The following CAPN14 variants were observed in gnomAD, a reference collection of about 807,000 sequenced individuals.
The protein encoded by CAPN14 is calpain 14.
A neutral mutation model predicts 101.3 loss-of-function variants in CAPN14; 94 were observed. The ratio of observed to expected loss-of-function variants is 0.93; its 90% CI spans 0.79 to 1.10. The LOEUF is 1.10. Among genes scored for constraint, CAPN14 ranks in the 50% least tolerant of loss-of-function variants. The pLI, the probability that CAPN14 is intolerant of heterozygous loss-of-function variation, is 0.00. For synonymous variants in CAPN14, 338 were observed against 317.9 expected (o/e 1.06, Z -0.67); for missense variants, 837 against 828.4 (o/e 1.01, Z -0.13).
chr2:31,205,311 T>A lies in CAPN14; in HGVS notation c.137A>T (p.Asp46Val). 6.4e-7 allele frequency: 1 copy of A among 1,550,720 alleles called. No individual in the cohort carries two copies. The highest frequency in any genetic ancestry group is 2.4e-5 in the East Asian group (1 of 40,886). The change falls in exon 2 of 22, where the codon GAC (aspartate) becomes GTC (valine). Residue 46 changes from aspartate (D) to valine (V), a missense_variant. Coordinates refer to ENST00000403897, the MANE Select transcript of CAPN14 (RefSeq NM_001145122.2). ...GCTCAGGGTGGCCGGGAAGCTGGTG[T>A]CTTCAAAGAGGCAGCCATTCCTCAG... ...ECLRNGCLFE[D>V]TSFPATLSSI...
intron 8 of CAPN14, among the ~76,000 whole-genome samples, chr2:31,196,796 C>A (rs1336385876): frequency 6.6e-6 from 1 of 152,198 alleles, no homozygotes; most frequent in Non-Finnish European, 1.5e-5. Context: ...CAATCCAAAT[C>A]TGTCTACCTT....
intron 1 of CAPN14, among the ~76,000 whole-genome samples, chr2:31,206,866 A>G (rs1682125001): frequency 6.6e-6 from 1 of 152,116 alleles, no homozygotes; most frequent in Non-Finnish European, 1.5e-5. Flanking sequence ...TTCACCAAAA[A>G]TTTTACTGGG....
upstream of CAPN14, among the ~76,000 whole-genome samples, chr2:31,219,029 A>G (rs946920620): frequency 1.3e-5 from 2 of 151,796 alleles, no homozygotes; most frequent in African/African-American, 4.8e-5. Flanking sequence ...GCCCTTAGTT[A>G]TCTTCCCCCT....
At chr2:31,198,907 T>A (rs1681606502) in intron 7 of CAPN14, among the ~76,000 whole-genome samples, 1 of 152,196 alleles carries the variant, frequency 6.6e-6, no homozygotes, top group South Asian at 2.1e-4. Context: ...CCAGCCCAAC[T>A]CGATGGAGGT....
At position 31,174,371 on chromosome 2, in the gene CAPN14, A is replaced by T. The variant is rs971255344; in HGVS notation, c.*310T>A. On this transcript the variant is annotated 3_prime_UTR_variant, in exon 22 of 22. Transcript: ENST00000403897. ...GCAGTGTTGTATGGAGGCTAACCAC[A>T]CCAGCTCTGGAGTCAGAATGCTTAG... 14 of 514,588 alleles carry T rather than the reference A, an allele frequency of 2.7e-5. No homozygotes were observed. The highest frequency in any genetic ancestry group is 2.7e-4 in the African/African-American group (14 of 51,984). The allele number at this position is 514,588 out of a possible 1,614,324, so 31.9% of individuals were successfully genotyped here. A position where few individuals can be genotyped will look rare whatever the true frequency, so the allele number is the denominator to read the frequency against.
intron 1 of CAPN14, among the ~76,000 whole-genome samples, chr2:31,233,149 C>G (rs183163066): frequency 6.6e-6 from 1 of 152,258 alleles, no homozygotes; most frequent in Admixed American, 6.5e-5. Context: ...TTAGCCCAGG[C>G]CCCTGCACAT....
chr2:31,182,758 G>C lies in CAPN14; in HGVS notation c.1646-1758C>G, dbSNP rs555344096. Among the ~76,000 whole-genome samples, 15 of 151,422 alleles carry C rather than the reference G, an allele frequency of 9.9e-5. No individual in the cohort carries two copies. In the East Asian group the frequency reaches 2.9e-3, roughly 29 times the overall value. ...TCAATATCGTGAAAATGGCCATACT[G>C]CCTAAGGCAATTTATAGATTCAATG... On this transcript the variant is annotated intron_variant, in intron 16 of 21. Coordinates refer to ENST00000403897, the MANE Select transcript of CAPN14 (RefSeq NM_001145122.2).
chr2:31,216,787 A>G (rs1682665515), intron 1 of CAPN14, among the ~76,000 whole-genome samples: 2 of 152,136 alleles, frequency 1.3e-5, no homozygotes, highest in African/African-American at 4.8e-5. Flanking sequence ...TCCAGTGCCC[A>G]TAGGCCAGCA....
chr2:31,217,202 C>CT (rs1045957717), intron 1 of CAPN14, among the ~76,000 whole-genome samples: 3 of 151,468 alleles, frequency 2.0e-5, no homozygotes, highest in Admixed American at 6.6e-5. Flanking sequence ...ATACTCCCAT[C>CT]TTTTTTTTTA....
rs1331116770 is a variant in CAPN14 at position 31,193,262 on chromosome 2, A to G, written c.983T>C (p.Val328Ala). 1 of 1,551,826 alleles carries G rather than the reference A, an allele frequency of 6.4e-7. No homozygotes were observed. The highest frequency in any genetic ancestry group is 8.7e-7 in the Non-Finnish European group (1 of 1,147,030). Residue 328 changes from valine to alanine, a missense_variant, in exon 10 of 22, where the codon GTG becomes GCG. Val to Ala is a moderately conservative substitution (Grantham distance 64, BLOSUM62 0). Transcript: ENST00000403897. ...GGTCAGTTTACAGATAACCAGGAGCACGAAATGTGTTTTAAAGTCCTGCAG... is the reference window on the plus strand; with the variant it reads ...GGTCAGTTTACAGATAACCAGGAGCGCGAAATGTGTTTTAAAGTCCTGCAG... ...MTLQDFKTHF[V>A]LLVICKLTPG...
rs891721494 is a variant in CAPN14 at position 31,200,601 on chromosome 2, C to A, written c.576G>T (p.Leu192Phe). 1 of 1,550,820 alleles carries A rather than the reference C, an allele frequency of 6.4e-7. No homozygotes were observed. Among genetic ancestry groups the A allele is most frequent in the Non-Finnish European group, 8.7e-7 (1 of 1,146,680 alleles). Residue 192 changes from leucine (L) to phenylalanine (F), a missense_variant, in exon 6 of 22, where the codon TTG (leucine) becomes TTT (phenylalanine). Physicochemically the swap from Leu to Phe is conservative, Grantham distance 22. Coordinates refer to ENST00000403897, the MANE Select transcript of CAPN14 (RefSeq NM_001145122.2). ...GGGCTTCAGACACCTGTCCTGACTG[C>A]AAGTCTTCATAGGAACCAGAGAGCC... ...YAKLSGSYED[L>F]QSGQVSEALV...
intron 1 of CAPN14, among the ~76,000 whole-genome samples, chr2:31,210,736 T>C (rs879653654): frequency 1.4e-4 from 22 of 152,046 alleles, no homozygotes; most frequent in Non-Finnish European, 2.5e-4. Flanking sequence ...TAATTATTTT[T>C]CTAATGAAAG....
Position 31,186,419 on chromosome 2 carries a change from A to T in CAPN14, c.1645+9T>A. The T allele has an allele frequency of 1.9e-6, 3 of 1,547,244 alleles. No homozygotes were observed. The highest frequency in any genetic ancestry group is 2.6e-6 in the Non-Finnish European group (3 of 1,144,788). On this transcript the variant is annotated intron_variant, in intron 16 of 21. Transcript: ENST00000403897. ...TCTGAGTCCTACAGAATGGCTCTAA[A>T]ACACTTACTTGACCAGGTCATCTGG...
chr2:31,205,398 T>C lies in CAPN14; in HGVS notation c.50A>G (p.Tyr17Cys), dbSNP rs1558629561. Residue 17 changes from tyrosine (Y) to cysteine (C), a missense_variant, in exon 2 of 22, where the codon TAC (tyrosine) becomes TGC (cysteine). Tyr to Cys is a radical substitution (Grantham distance 194). Coordinates refer to ENST00000403897, the MANE Select transcript of CAPN14 (RefSeq NM_001145122.2). Reference sequence around the variant, plus strand: ...TTGCTGTGGAGACGCCCTCCTAGAGTACCTTGGCGCCAGCTTCCATCTGCA... The same window carrying C: ...TTGCTGTGGAGACGCCCTCCTAGAGCACCTTGGCGCCAGCTTCCATCTGCA... ...FRCRWKLAPR[Y>C]SRRASPQQPQ... The C allele has an allele frequency of 6.4e-7, 1 of 1,551,374 alleles. No homozygotes were observed. The highest frequency in any genetic ancestry group is 8.7e-7 in the Non-Finnish European group (1 of 1,146,942).
chr2:31,199,320 C>T (rs555362012), intron 7 of CAPN14, 150 bp downstream of exon 7: 92 of 722,006 alleles, frequency 1.3e-4, no homozygotes, highest in Admixed American at 6.2e-4. Flanking sequence ...ACCACTTCAC[C>T]GCAGGAAATA....
At position 31,205,647 on chromosome 2, in the gene CAPN14, G is replaced by C. The variant is rs182592991; in HGVS notation, c.-52-148C>G. 4 of 613,882 alleles carry C rather than the reference G, an allele frequency of 6.5e-6. 1 individual carries two copies. The Admixed American group carries it at 1.1e-4, about 17-fold the overall frequency. The allele number at this position is 613,882 out of a possible 1,614,324, so 38.0% of individuals were successfully genotyped here. A position where few individuals can be genotyped will look rare whatever the true frequency, so the allele number is the denominator to read the frequency against. ...AAGCAGGTGGTTCGATTTTGTCCCA[G>C]AGAGTGTGGGTCCTTGAGCACTCAC... is the stretch of plus-strand genomic sequence containing the variant. On this transcript the variant is annotated intron_variant, in intron 1 of 21. Transcript: ENST00000403897.
chr2:31,187,820 G>A lies in CAPN14; in HGVS notation c.1531-6C>T. 6.5e-7 allele frequency: 1 copy of A among 1,548,506 alleles called. No homozygotes were observed. Among genetic ancestry groups the A allele is most frequent in the Non-Finnish European group, 8.7e-7 (1 of 1,144,112 alleles). ...TCATTTTGGTCTTCTATCTCCTATA[G>A]GAAGAGACACACAGAAAGACACAAT... is the stretch of plus-strand genomic sequence containing the variant. On this transcript the variant is annotated splice_region_variant and splice_polypyrimidine_tract_variant and intron_variant, in intron 14 of 21. Transcript: ENST00000403897.
intron 7 of CAPN14, among the ~76,000 whole-genome samples, chr2:31,199,237 AGGAT>A (rs1290677154): frequency 6.6e-6 from 1 of 152,144 alleles, no homozygotes. Context: ...GCAGGGTGGG[AGGAT>A]GGTTGGCTGA....
At position 31,230,986 on chromosome 2, in the gene CAPN14, T is replaced by C. The variant is rs1206395506; in HGVS notation, c.-177+2805A>G. 6.6e-6 allele frequency among the ~76,000 whole-genome samples: 1 copy of C among 152,236 alleles called. No homozygotes were observed. Among genetic ancestry groups the C allele is most frequent in the Non-Finnish European group, 1.5e-5 (1 of 68,042 alleles). Reference sequence around the variant, plus strand: ...GGCTATTTACTGTGTTGTTATTCTGTTGGTCTCTGTGCCAAAACCATATTA... The same window carrying C: ...GGCTATTTACTGTGTTGTTATTCTGCTGGTCTCTGTGCCAAAACCATATTA... On this transcript the variant is annotated intron_variant and NMD_transcript_variant, in intron 1 of 21. Coordinates refer to the CAPN14 transcript ENST00000398824. The surrounding 1 kb of genome is among the most constrained non-coding windows in gnomAD (Gnocchi z 4.3).
Sources: gnomAD v4.1 joint callset for allele counts (sites outside exome capture counted in the v4.1 genomes callset) on GRCh38, gnomAD v4.1.1 for gene constraint, Gnocchi (gnomAD v3.1) non-coding constraint, MANE v1.5 for transcripts, NCBI Gene and HGNC (gene_info 2026-07-23, HGNC 2026-07-21) for gene names.